Variants in BRD7 observed in about 807,000 individuals in gnomAD.
The protein encoded by BRD7 is bromodomain-containing protein 7.
Under a neutral mutation model 82.1 loss-of-function variants are expected in BRD7, and 15 were observed. The observed-to-expected ratio is 0.18, with a 90% CI of 0.12 to 0.28. The LOEUF is 0.28. BRD7 is among the 10% of genes least tolerant of loss of function. The probability of loss-of-function intolerance (pLI) is 1.00; values close to 1 mark genes in which losing one functional copy is unlikely to be tolerated. For missense variants in BRD7, 638 were observed against 779.9 expected, an observed-to-expected ratio of 0.82 and a Z score of 2.17; for synonymous variants, 232 against 266.9, an observed-to-expected ratio of 0.87 and a Z score of 1.27.
intron 5 of BRD7, among the ~76,000 whole-genome samples, chr16:50,341,371 T>G (rs1230775964): frequency 6.6e-6 from 1 of 152,154 alleles, no homozygotes; most frequent in African/African-American, 2.4e-5. Flanking sequence ...CTGGGCATAG[T>G]GGCTCACCCT....
intron 9 of BRD7, among the ~76,000 whole-genome samples, chr16:50,328,012 A>AGT (rs2037410305): frequency 6.6e-6 from 1 of 152,254 alleles, no homozygotes; most frequent in South Asian, 2.1e-4. Flanking sequence ...TATGAAAATA[A>AGT]ATTTGTTGAA....
In BRD7 at chr16:50,365,524, T is replaced by C. The variant is rs535531276; in HGVS notation, c.258+2566A>G. Among the ~76,000 whole-genome samples the C allele has an allele frequency of 2.6e-5, 4 of 151,936 alleles. No individual in the cohort carries two copies. The East Asian group carries it at 7.7e-4, about 29-fold the overall frequency. The stretch of plus-strand genomic sequence containing the variant: ...GAGACAGACAAATAAATGGAAGAAT[T>C]TGGGAGAGAGAGACAGGGCAGGGAG... On this transcript the variant is annotated intron_variant, in intron 2 of 16. Coordinates refer to ENST00000394688, the MANE Select transcript of BRD7 (RefSeq NM_013263.5).
rs1194212469 is a variant in BRD7 at position 50,365,385 on chromosome 16, C to G, written c.258+2705G>C. Among the ~76,000 whole-genome samples the G allele has an allele frequency of 2.0e-5, 3 of 152,146 alleles. No homozygotes were observed. The East Asian group carries it at 5.8e-4, about 29-fold the overall frequency. On this transcript the variant is annotated intron_variant, in intron 2 of 16. Transcript: ENST00000394688. ...AATGACTGAGTCCCTGTTAGTCACT[C>G]TACAATAAAGTCCATCAACTGACAA...
intron 2 of BRD7, 60 bp downstream of exon 2, chr16:50,368,030 G>T: frequency 1.9e-5 from 29 of 1,502,146 alleles, no homozygotes; most frequent in African/African-American, 2.8e-5. Flanking sequence ...AATAAAATGA[G>T]GTTGGCACCT....
At position 50,317,772 on chromosome 16, in the gene BRD7, G is replaced by GTATC. The variant is rs771112633; in HGVS notation, c.*1435_*1438dup. On this transcript the variant is annotated 3_prime_UTR_variant, in exon 17 of 17. Coordinates refer to ENST00000394688, the MANE Select transcript of BRD7 (RefSeq NM_013263.5). ...TCATTTTGTTTTATGACAGACACAC[G>GTATC]TATCTAACAAACAAACAAACAGTGA... 1.3e-5 allele frequency: 2 copies of GTATC among 152,298 alleles called. No individual in the cohort carries two copies. Among genetic ancestry groups the GTATC allele is most frequent in the East Asian group, 1.9e-4 (1 of 5,328 alleles). 9.4% of individuals were successfully genotyped at this position (152,298 alleles called of 1,614,324 possible). A position where few individuals can be genotyped will look rare whatever the true frequency, so the allele number is the denominator to read the frequency against.
rs1181144977 is a variant in BRD7 at position 50,320,705 on chromosome 16, C to T, written c.1570G>A (p.Val524Ile). Residue 524 changes from valine to isoleucine, a missense_variant, in exon 14 of 17, where the codon GTA (valine) becomes ATA (isoleucine). Transcript: ENST00000394688. ...TCAACTGGAACGCCAAAATTTGTTA[C>T]TGCTTTCAGCGCTATGAGCCTGTCT... is the stretch of plus-strand genomic sequence containing the variant. ...TQDRLIALKA[V>I]TNFGVPVEVF... is the part of the protein sequence containing the mutation. 2.5e-6 allele frequency: 4 copies of T among 1,614,074 alleles called. No homozygotes were observed. Among genetic ancestry groups the T allele is most frequent in the Non-Finnish European group, 3.4e-6 (4 of 1,180,026 alleles).
rs765795567 is a variant in BRD7, at chr16:50,368,699, C to T, written c.49+27G>A. ...GCCCGGCAGAGCCGCCGAGGGCCCGCCGCCCGCACCCCGGCCCCCTCCTCA... is the reference window on the plus strand; with the variant it reads ...GCCCGGCAGAGCCGCCGAGGGCCCGTCGCCCGCACCCCGGCCCCCTCCTCA... On this transcript the variant is annotated intron_variant, in intron 1 of 16. Transcript: ENST00000394688. 4 of 1,549,378 alleles carry T rather than the reference C, an allele frequency of 2.6e-6. No homozygotes were observed. In the African/African-American group the frequency reaches 4.3e-5, roughly 17 times the overall value.
In BRD7 at chr16:50,354,878, T is replaced by G. The variant is rs1350679433; in HGVS notation, c.303A>C (p.Ala101=). The change falls in exon 3 of 17, where the codon GCA becomes GCC. Residue 101 remains alanine (A), a synonymous_variant. Transcript: ENST00000394688. ...GGGCGTGACACTGGAGATCTTTTTC[T>G]GCCTCATTCTCCACCCGGTCTCGAT... ...KRDRDRVENE[A]EKDLQCHAPV... is the part of the protein sequence containing the mutation. 1.2e-6 allele frequency: 2 copies of G among 1,613,702 alleles called. No homozygotes were observed. The highest frequency in any genetic ancestry group is 2.7e-5 in the African/African-American group (2 of 74,934).
chr16:50,340,617 T>C (rs1402065534), intron 5 of BRD7, among the ~76,000 whole-genome samples: 2 of 152,176 alleles, frequency 1.3e-5, no homozygotes. Flanking sequence ...TGTTAAAACA[T>C]TTACACTACT....
intron 8 of BRD7, 118 bp downstream of exon 8, chr16:50,333,456 T>C: frequency 3.1e-6 from 4 of 1,307,000 alleles, no homozygotes; most frequent in Non-Finnish European, 3.2e-6. Context: ...CTAAGTATTA[T>C]ACTGATGAAG....
chr16:50,349,440 A>AAAT, intron 5 of BRD7: 1 of 376,942 alleles, frequency 2.7e-6, no homozygotes, highest in Non-Finnish European at 5.3e-6. Flanking sequence ...AAAAAAAGAA[A>AAAT]GTGTGTAGCA....
In BRD7 at chr16:50,333,713, A is replaced by G; in HGVS notation, c.888-16T>C. ...TTTGTCTTTCCTGAAAATATACATT[A>G]ATACTAAGTAAAAAAAAAACAAAGA... On this transcript the variant is annotated splice_polypyrimidine_tract_variant and intron_variant, in intron 7 of 16. Transcript: ENST00000394688. 7.3e-7 allele frequency: 1 copy of G among 1,376,764 alleles called. No individual in the cohort carries two copies. The highest frequency in any genetic ancestry group is 9.6e-7 in the Non-Finnish European group (1 of 1,044,848). 85.3% of individuals were successfully genotyped at this position (1,376,764 alleles called of 1,614,324 possible). A position where few individuals can be genotyped will look rare whatever the true frequency, so the allele number is the denominator to read the frequency against.
In BRD7 at chr16:50,354,287, G is replaced by A. The variant is rs566876204; in HGVS notation, c.446+138C>T. ...CTAAAAGTTAGCCTAGCCTCTTGGA[G>A]TACTTCTGCTGCCAGGCAAAATATT... On this transcript the variant is annotated intron_variant, in intron 4 of 16. Coordinates refer to ENST00000394688, the MANE Select transcript of BRD7 (RefSeq NM_013263.5). 5.9e-6 allele frequency: 4 copies of A among 681,058 alleles called. No homozygotes were observed. In the East Asian group the frequency reaches 8.7e-5, roughly 15 times the overall value. 42.2% of individuals were successfully genotyped at this position (681,058 alleles called of 1,614,324 possible).
rs533808468 is a variant in BRD7, at chr16:50,332,394, CAT to C, written c.1011+1178_1011+1179del. Among the ~76,000 whole-genome samples, 33 of 152,274 alleles carry C rather than the reference CAT, an allele frequency of 2.2e-4. No individual in the cohort carries two copies. The South Asian group carries it at 6.4e-3, about 30-fold the overall frequency. Reference sequence around the variant, plus strand: ...AGAAGACATACAAGCAGCCAACAAACATATGAGAAAATGCTCAGCATCACTAA... The same window carrying C: ...AGAAGACATACAAGCAGCCAACAAACATGAGAAAATGCTCAGCATCACTAA... On this transcript the variant is annotated intron_variant, in intron 8 of 16. Transcript: ENST00000394688.
intron 5 of BRD7, among the ~76,000 whole-genome samples, chr16:50,347,534 C>T (rs1281580561): frequency 6.6e-6 from 1 of 152,188 alleles, no homozygotes; most frequent in African/African-American, 2.4e-5. Context: ...CCAAAATCTC[C>T]TTAAGCTGAT....
intron 9 of BRD7, among the ~76,000 whole-genome samples, chr16:50,327,313 G>A (rs1365123424): frequency 2.0e-5 from 3 of 152,170 alleles, no homozygotes; most frequent in Non-Finnish European, 4.4e-5. Context: ...CCAGAGCAAG[G>A]ACAGAGACCA....
intron 6 of BRD7, among the ~76,000 whole-genome samples, chr16:50,337,001 G>A (rs1441636134): frequency 2.0e-5 from 3 of 152,094 alleles, no homozygotes; most frequent in Admixed American, 6.5e-5. Context: ...CCATGTGCCA[G>A]ACACAACTCC....
At chr16:50,329,572 G>A (rs1055369060) in intron 8 of BRD7, among the ~76,000 whole-genome samples, 1 of 152,202 alleles carries the variant, frequency 6.6e-6, no homozygotes, top group Non-Finnish European at 1.5e-5. Flanking sequence ...TCGTTGAGTG[G>A]TATGGCTCAT....
At chr16:50,362,663 G>C (rs962587161) in intron 2 of BRD7, among the ~76,000 whole-genome samples, 2 of 152,162 alleles carry the variant, frequency 1.3e-5, no homozygotes, top group Non-Finnish European at 2.9e-5. Context: ...CGAACCTTGA[G>C]GACATTGTGC....
Sources: gnomAD v4.1 joint callset for allele counts (sites outside exome capture counted in the v4.1 genomes callset) on GRCh38, gnomAD v4.1.1 for gene constraint, MANE v1.5 for transcripts, NCBI Gene and HGNC (gene_info 2026-07-23, HGNC 2026-07-21) for gene names.